Variants in DACH1 observed in about 807,000 individuals in gnomAD.
DACH1 encodes dachshund family transcription factor 1, also known as dachshund homolog 1.
In DACH1, 12 loss-of-function variants were observed where a neutral mutation model predicts 54.2. That is an observed-to-expected ratio of 0.22 (90% CI 0.14 to 0.36). The LOEUF is 0.36. DACH1 is among the 10% of genes least tolerant of loss of function. DACH1 has a pLI of 1.00. For missense variants in DACH1, 805 were observed against 929.8 expected (o/e 0.87, Z 1.75); for synonymous variants, 386 against 366.2 (o/e 1.05, Z -0.62).
intron 1 of DACH1, among the ~76,000 whole-genome samples, chr13:71,740,499 G>C (rs927872177): frequency 2.0e-4 from 30 of 151,956 alleles, no homozygotes; most frequent in Non-Finnish European, 1.6e-4. Context: ...ATCAAACCTT[G>C]GCCTATGTTC....
At chr13:71,631,388 CT>C (rs1320289930) in intron 2 of DACH1, among the ~76,000 whole-genome samples, 2 of 152,122 alleles carry the variant, frequency 1.3e-5, no homozygotes, top group African/African-American at 4.8e-5. Context: ...ACCTGTGCTG[CT>C]GTTATAGGAC....
intron 1 of DACH1, among the ~76,000 whole-genome samples, chr13:71,818,985 G>A (rs995745041): frequency 6.6e-6 from 1 of 152,150 alleles, no homozygotes; most frequent in African/African-American, 2.4e-5. Flanking sequence ...GTTATTAACT[G>A]GAGAGAGTTA....
At chr13:71,521,918 TAG>T (rs1305489306) in intron 6 of DACH1, among the ~76,000 whole-genome samples, 3 of 152,144 alleles carry the variant, frequency 2.0e-5, no homozygotes, top group African/African-American at 7.2e-5. Context: ...TCGATTTCAA[TAG>T]AGTTTGAATT....
At chr13:71,865,226 C>T (rs1874645637) in intron 1 of DACH1, among the ~76,000 whole-genome samples, 1 of 152,194 alleles carries the variant, frequency 6.6e-6, no homozygotes, top group South Asian at 2.1e-4. Context: ...ACAGACCCCT[C>T]CCCTCGGCTG....
chr13:71,607,831 G>C (rs1874989001), intron 3 of DACH1, among the ~76,000 whole-genome samples: 1 of 152,044 alleles, frequency 6.6e-6, no homozygotes, highest in Admixed American at 6.6e-5. Context: ...CCTGTCAGCT[G>C]TATCAGTTTC....
chr13:71,688,944 G>A (rs1881326501), intron 1 of DACH1, among the ~76,000 whole-genome samples: 1 of 152,134 alleles, frequency 6.6e-6, no homozygotes, highest in African/African-American at 2.4e-5. Context: ...GTTTACTGGG[G>A]CAAGTTATCA....
intron 1 of DACH1, among the ~76,000 whole-genome samples, chr13:71,784,925 C>T (rs999837649): frequency 6.6e-5 from 10 of 152,076 alleles, no homozygotes; most frequent in African/African-American, 2.4e-4. Flanking sequence ...ACTATTCTTT[C>T]TCAGTCTATA....
At position 71,517,015 on chromosome 13, in the gene DACH1, A is replaced by G. The variant is rs1593821693; in HGVS notation, c.1571-27867T>C. Among the ~76,000 whole-genome samples, 4 of 151,834 alleles carry G rather than the reference A, an allele frequency of 2.6e-5. No homozygotes were observed. The South Asian group carries it at 8.3e-4, about 31-fold the overall frequency. On this transcript the variant is annotated intron_variant, in intron 6 of 10. Transcript: ENST00000613252. ...ATATACCTTAGTGAGGGGATGTTTTATTAACTGTCTTTATAAGCGTAAGTT... is the reference window on the plus strand; with the variant it reads ...ATATACCTTAGTGAGGGGATGTTTTGTTAACTGTCTTTATAAGCGTAAGTT...
chr13:71,675,262 C>G, intron 2 of DACH1: 1 of 1,586,442 alleles, frequency 6.3e-7, no homozygotes, highest in Non-Finnish European at 8.7e-7. Context: ...TCGCAGACTT[C>G]CCTTCCAGAG....
chr13:71,566,566 T>G (rs1884905222), intron 4 of DACH1, among the ~76,000 whole-genome samples: 1 of 152,182 alleles, frequency 6.6e-6, no homozygotes, highest in Non-Finnish European at 1.5e-5. Context: ...AAGCCTTTAT[T>G]GTCCTTTAAA....
At chr13:71,632,482 G>A (rs1025630578) in intron 2 of DACH1, among the ~76,000 whole-genome samples, 19 of 147,192 alleles carry the variant, frequency 1.3e-4, no homozygotes, top group Admixed American at 2.7e-4. Flanking sequence ...CCAGCCGTTC[G>A]AATTTATCTG....
intron 1 of DACH1, among the ~76,000 whole-genome samples, chr13:71,844,462 T>C (rs1873089122): frequency 6.6e-6 from 1 of 152,102 alleles, no homozygotes. Flanking sequence ...AAACCACCAT[T>C]AAAAAGAGGG....
chr13:71,677,005 CAATT>C (rs1393012719), intron 2 of DACH1, among the ~76,000 whole-genome samples: 2 of 152,096 alleles, frequency 1.3e-5, no homozygotes, highest in African/African-American at 2.4e-5. Context: ...ACTGAGGACT[CAATT>C]AATTCTTAGT....
chr13:71,622,419 CAA>C (rs552556948), intron 3 of DACH1, among the ~76,000 whole-genome samples: 1 of 151,590 alleles, frequency 6.6e-6, no homozygotes, highest in Non-Finnish European at 1.5e-5. Context: ...TTTTATAAAA[CAA>C]AGTTAAATAT....
At chr13:71,540,568 A>G (rs1001607257) in intron 6 of DACH1, among the ~76,000 whole-genome samples, 3 of 152,120 alleles carry the variant, frequency 2.0e-5, no homozygotes, top group Non-Finnish European at 2.9e-5. Context: ...ACAGAATCAT[A>G]TATCACCATA....
rs766451935 is a variant in DACH1, at chr13:71,475,847, T to C, written c.1873A>G (p.Ile625Val). ...QLAMEQKNRA[I>V]VQKRLKKEKK... Reference sequence around the variant, plus strand: ...TCCTTCTTTAGCCTCTTTTGAACTATGGCTAAAAAAGAGTGTATGCATATT... The same window carrying C: ...TCCTTCTTTAGCCTCTTTTGAACTACGGCTAAAAAAGAGTGTATGCATATT... Residue 625 changes from isoleucine to valine, a missense_variant and splice_region_variant, in exon 9 of 11, where the codon ATA becomes GTA. This residue lies in a region of DACH1 where 472 missense variants were observed against 545.3 expected (regional missense o/e 0.87). Transcript: ENST00000613252. 7 of 1,603,440 alleles carry C rather than the reference T, an allele frequency of 4.4e-6. No homozygotes were observed. The highest frequency in any genetic ancestry group is 4.5e-5 in the East Asian group (2 of 44,596).
chr13:71,801,683 G>A (rs892380484), intron 1 of DACH1, among the ~76,000 whole-genome samples: 5 of 152,068 alleles, frequency 3.3e-5, no homozygotes, highest in African/African-American at 1.2e-4. Flanking sequence ...TTTATGAGCT[G>A]CTAATATTTG....
intron 1 of DACH1, among the ~76,000 whole-genome samples, chr13:71,704,009 A>G (rs1882299777): frequency 6.6e-6 from 1 of 152,236 alleles, no homozygotes. Context: ...ATAGAGTGAT[A>G]AAAATTCACT....
At chr13:71,457,470 G>T (rs1283861573) in intron 10 of DACH1, among the ~76,000 whole-genome samples, 2 of 151,684 alleles carry the variant, frequency 1.3e-5, no homozygotes, top group East Asian at 3.9e-4. Context: ...CTTGGTCCCA[G>T]TTTTATTACA....
Sources: allele counts gnomAD v4.1 joint callset (sites outside exome capture counted in the v4.1 genomes callset), GRCh38; gene constraint gnomAD v4.1.1; regional missense constraint gnomAD v4.1.1; transcripts MANE v1.5; gene names NCBI Gene and HGNC (gene_info 2026-07-23, HGNC 2026-07-21).